Variants in PLAG1 observed in about 807,000 individuals in gnomAD.
PLAG1 encodes PLAG1 zinc finger, also known as zinc finger protein PLAG1.
Under a neutral mutation model 35.5 loss-of-function variants are expected in PLAG1, and 7 were observed. The ratio of observed to expected loss-of-function variants is 0.20; its 90% confidence interval spans 0.11 to 0.37. PLAG1 has a LOEUF of 0.37. Among genes scored for constraint, PLAG1 ranks in the 10% least tolerant of loss-of-function variants. PLAG1 has a pLI of 1.00. For synonymous variants in PLAG1, 229 were observed against 225.4 expected (o/e 1.02, Z -0.14); for missense variants, 454 against 602.8 (o/e 0.75, Z 2.58).
Position 56,167,968 on chromosome 8 carries a change from T to C in PLAG1, c.242+60A>G. 1.1e-6 allele frequency: 1 copy of C among 925,502 alleles called. No individual in the cohort carries two copies. The highest frequency in any genetic ancestry group is 1.7e-6 in the Non-Finnish European group (1 of 600,470). The allele number at this position is 925,502 out of a possible 1,614,324, so 57.3% of individuals were successfully genotyped here. On this transcript the variant is annotated intron_variant, in intron 4 of 4. Coordinates refer to ENST00000316981, the MANE Select transcript of PLAG1 (RefSeq NM_002655.3). The surrounding 1 kb of genome is among the most constrained non-coding windows in gnomAD (Gnocchi z 5.9). ...TGTATACAAATACATACGTTTACAA[T>C]GGCTTCAAACAGCCAACATAAGAGA...
At chr8:56,188,320 ATACTC>A (rs1057341103) in intron 1 of PLAG1, among the ~76,000 whole-genome samples, 7 of 152,220 alleles carry the variant, frequency 4.6e-5, no homozygotes, top group Admixed American at 3.3e-4. Context: ...AAAAAAATGA[ATACTC>A]AACTAAGATT....
chr8:56,198,181 C>T (rs1433067686), intron 1 of PLAG1, among the ~76,000 whole-genome samples: 1 of 152,208 alleles, frequency 6.6e-6, no homozygotes, highest in African/African-American at 2.4e-5. Context: ...TACCCTGTGC[C>T]GGTTCTGAGA....
rs1811372812 is a variant in PLAG1, at chr8:56,166,859, T to C, written c.887A>G (p.Gln296Arg). Residue 296 changes from glutamine to arginine, a missense_variant, in exon 5 of 5, where the codon CAG becomes CGG. Gln to Arg is a conservative substitution (Grantham distance 43). Transcript: ENST00000316981. ...GGCAGATCCCGAGCTCTGCATGGAC[T>C]GAAATGGAGTGTTGTAGAGGTTTAA... Reference protein sequence around the residue: ...LQLNLYNTPFQSMQSSGSAHQ... With the variant: ...LQLNLYNTPFRSMQSSGSAHQ... The C allele has an allele frequency of 6.2e-7, 1 of 1,613,986 alleles. No homozygotes were observed. The highest frequency in any genetic ancestry group is 8.5e-7 in the Non-Finnish European group (1 of 1,179,986).
chr8:56,195,305 C>T (rs754350021), intron 1 of PLAG1, among the ~76,000 whole-genome samples: 1 of 152,102 alleles, frequency 6.6e-6, no homozygotes, highest in African/African-American at 2.4e-5. Flanking sequence ...AACTGGGAAT[C>T]AAGACAATAC....
Position 56,190,780 on chromosome 8 carries a change from G to C in PLAG1, c.-321-11267C>G, listed in dbSNP as rs147654670. Among the ~76,000 whole-genome samples, 615 of 152,150 alleles carry C rather than the reference G, an allele frequency of 4.0e-3. 5 individuals carry two copies. The highest frequency in any genetic ancestry group is 6.8e-3 in the Middle Eastern group (2 of 294). On this transcript the variant is annotated intron_variant, in intron 1 of 4. Coordinates refer to ENST00000316981, the MANE Select transcript of PLAG1 (RefSeq NM_002655.3). Reference sequence around the variant, plus strand: ...CCAGGGCATAAGAAGAGATAGAGGAGGACAGGGTGTGTGCAGATGCCAAAC... The same window carrying C: ...CCAGGGCATAAGAAGAGATAGAGGACGACAGGGTGTGTGCAGATGCCAAAC...
chr8:56,207,320 TAGAA>T (rs954419351), intron 1 of PLAG1, among the ~76,000 whole-genome samples: 8 of 151,940 alleles, frequency 5.3e-5, no homozygotes, highest in African/African-American at 1.7e-4. Context: ...ATTTAATCCT[TAGAA>T]AGGAAAATTT....
chr8:56,166,089 A>C lies in PLAG1; in HGVS notation c.*154T>G, dbSNP rs545513736. ...ACAAATGGTTCCAAAGCTCAGTTTA[A>C]AAGCTAGTTTCTATTTTATACTGGC... On this transcript the variant is annotated 3_prime_UTR_variant, in exon 5 of 5. Coordinates refer to ENST00000316981, the MANE Select transcript of PLAG1 (RefSeq NM_002655.3). 3.1e-5 allele frequency: 15 copies of C among 488,418 alleles called. No homozygotes were observed. The highest frequency in any genetic ancestry group is 2.9e-4 in the African/African-American group (15 of 51,438). The allele number at this position is 488,418 out of a possible 1,614,324, so 30.3% of individuals were successfully genotyped here. A position where few individuals can be genotyped will look rare whatever the true frequency, so the allele number is the denominator to read the frequency against.
At chr8:56,193,183 C>T (rs868487492) in intron 1 of PLAG1, among the ~76,000 whole-genome samples, 1 of 152,112 alleles carries the variant, frequency 6.6e-6, no homozygotes, top group Middle Eastern at 3.4e-3. Context: ...AAGAAATATA[C>T]AAATGATATG....
At chr8:56,176,636 A>G (rs1170747241) in intron 2 of PLAG1, among the ~76,000 whole-genome samples, 1 of 151,786 alleles carries the variant, frequency 6.6e-6, no homozygotes, top group Non-Finnish European at 1.5e-5. Flanking sequence ...TGCTTAATCA[A>G]TACTCTATTT....
chr8:56,163,081 GATCC>G lies in PLAG1; in HGVS notation c.*3158_*3161del. The G allele has an allele frequency of 4.7e-6, 1 of 211,582 alleles. No individual in the cohort carries two copies. The highest frequency in any genetic ancestry group is 7.0e-5 in the East Asian group (1 of 14,278). The allele number at this position is 211,582 out of a possible 1,614,324, so 13.1% of individuals were successfully genotyped here. On this transcript the variant is annotated 3_prime_UTR_variant, in exon 5 of 5. Transcript: ENST00000316981. ...TGGATAGCATTGCTTACAGTGCCAA[GATCC>G]TTCCACACTCACACTTCCGTGTTTG...
chr8:56,182,454 A>G (rs1216154329), intron 1 of PLAG1, among the ~76,000 whole-genome samples: 1 of 152,164 alleles, frequency 6.6e-6, no homozygotes, highest in African/African-American at 2.4e-5. Context: ...GAGAAAGACC[A>G]GAGATAGAAC....
At position 56,164,611 on chromosome 8, in the gene PLAG1, C is replaced by G. The variant is rs1811301446; in HGVS notation, c.*1632G>C. ...TCTTCTAAAAACCTCCCACCCTTGC[C>G]CCCATCCCCAACGGAAAGGGTCCTA... On this transcript the variant is annotated 3_prime_UTR_variant, in exon 5 of 5. Coordinates refer to ENST00000316981, the MANE Select transcript of PLAG1 (RefSeq NM_002655.3). 1 of 222,628 alleles carries G rather than the reference C, an allele frequency of 4.5e-6. No homozygotes were observed. Among genetic ancestry groups the G allele is most frequent in the East Asian group, 6.6e-5 (1 of 15,256 alleles). The allele number at this position is 222,628 out of a possible 1,614,324, so 13.8% of individuals were successfully genotyped here. A position where few individuals can be genotyped will look rare whatever the true frequency, so the allele number is the denominator to read the frequency against.
rs1416597836 is a variant in PLAG1, at chr8:56,162,922, A to C, written c.*3321T>G. ...GCTTGAAAGAAACACTAAATGAAAT[A>C]AAAAAGTTGCACACAGAGTGATGCA... On this transcript the variant is annotated 3_prime_UTR_variant, in exon 5 of 5. Coordinates refer to ENST00000316981, the MANE Select transcript of PLAG1 (RefSeq NM_002655.3). 4.6e-6 allele frequency: 1 copy of C among 215,970 alleles called. No individual in the cohort carries two copies. Among genetic ancestry groups the C allele is most frequent in the African/African-American group, 2.3e-5 (1 of 44,386 alleles). The allele number at this position is 215,970 out of a possible 1,614,324, so 13.4% of individuals were successfully genotyped here.
At chr8:56,202,550 C>A (rs1812584808) in intron 1 of PLAG1, among the ~76,000 whole-genome samples, 1 of 152,192 alleles carries the variant, frequency 6.6e-6, no homozygotes, top group Non-Finnish European at 1.5e-5. Flanking sequence ...GAGTATCATG[C>A]ATTGTACAAA....
chr8:56,168,549 T>C (rs376212757), intron 3 of PLAG1, among the ~76,000 whole-genome samples, 163 bp from the exon 4 acceptor site: 11 of 152,342 alleles, frequency 7.2e-5, no homozygotes, highest in African/African-American at 2.6e-4. Context: ...TAGGTTTCTT[T>C]ATATTTGTCA....
intron 1 of PLAG1, among the ~76,000 whole-genome samples, chr8:56,199,081 C>T (rs544070351): frequency 1.3e-5 from 2 of 152,294 alleles, no homozygotes; most frequent in East Asian, 3.9e-4. Context: ...AAAGGTACCG[C>T]AGGAGTGGGA....
intron 1 of PLAG1, among the ~76,000 whole-genome samples, chr8:56,209,896 A>G (rs538635529): frequency 6.6e-6 from 1 of 152,212 alleles, no homozygotes; most frequent in African/African-American, 2.4e-5. Flanking sequence ...TTCCAATCAC[A>G]CATATTAACT....
intron 1 of PLAG1, among the ~76,000 whole-genome samples, chr8:56,206,313 A>G (rs1812700583): frequency 6.6e-6 from 1 of 152,042 alleles, no homozygotes; most frequent in Non-Finnish European, 1.5e-5. Context: ...CTAGGCTTTC[A>G]TACACATACA....
intron 2 of PLAG1, 165 bp from the exon 3 acceptor site, chr8:56,171,354 C>T (rs1309543286): frequency 2.0e-5 from 3 of 152,264 alleles, no homozygotes; most frequent in African/African-American, 4.8e-5. Flanking sequence ...TTTATTAGGT[C>T]TAAGCACATT....
Sources: gnomAD v4.1 joint callset for allele counts (sites outside exome capture counted in the v4.1 genomes callset) on GRCh38, gnomAD v4.1.1 for gene constraint, Gnocchi (gnomAD v3.1) non-coding constraint, MANE v1.5 for transcripts, NCBI Gene and HGNC (gene_info 2026-07-23, HGNC 2026-07-21) for gene names.